MIB1: variants seen among roughly 807,000 people sequenced by gnomAD.
MIB1 encodes the protein MIB E3 ubiquitin protein ligase 1, also known as E3 ubiquitin-protein ligase MIB1.
Under a neutral mutation model 124.5 loss-of-function variants are expected in MIB1, and 278 were observed. The ratio of observed to expected loss-of-function variants is 2.23; its 90% confidence interval spans 2.02 to 2.47. The LOEUF is 2.47. Among genes scored for constraint, MIB1 ranks in the 30% most tolerant of loss-of-function variants. The pLI is 0.00. For missense variants in MIB1, 957 were observed against 1,254.4 expected, an observed-to-expected ratio of 0.76 and a Z score of 3.58; for synonymous variants, 446 against 429.4, an observed-to-expected ratio of 1.04 and a Z score of -0.48.
At chr18:21,834,309 T>A (rs73963259) in intron 12 of MIB1, among the ~76,000 whole-genome samples, 2,324 of 152,248 alleles carry the variant, frequency 0.015, 66 homozygotes, top group African/African-American at 0.053. Flanking sequence ...TATTATTATT[T>A]TTTTTTGAGG....
intron 2 of MIB1, among the ~76,000 whole-genome samples, chr18:21,766,952 T>TA (rs948884460): frequency 7.2e-5 from 11 of 152,286 alleles, no homozygotes; most frequent in Non-Finnish European, 1.3e-4. Context: ...TCCAAACCTT[T>TA]CTGATTATGT....
intron 1 of MIB1, among the ~76,000 whole-genome samples, chr18:21,710,421 T>C (rs2040660604): frequency 6.6e-6 from 1 of 151,984 alleles, no homozygotes; most frequent in Non-Finnish European, 1.5e-5. Context: ...ATAAATACAA[T>C]ACTAAACAAA....
intron 20 of MIB1, among the ~76,000 whole-genome samples, chr18:21,860,273 A>G (rs908803158): frequency 1.3e-5 from 2 of 151,050 alleles, no homozygotes; most frequent in African/African-American, 4.9e-5. Context: ...GCGAATTTTT[A>G]TATTTTTAGT....
At chr18:21,738,732 G>A (rs190422706), upstream of MIB1, among the ~76,000 whole-genome samples, 5 of 143,532 alleles carry the variant, frequency 3.5e-5, no homozygotes, top group East Asian at 8.4e-4. Flanking sequence ...GCGTGAACCC[G>A]GGAGATGGAG....
At chr18:21,758,539 A>AT (rs1274675770) in intron 1 of MIB1, among the ~76,000 whole-genome samples, 5,074 of 147,016 alleles carry the variant, frequency 0.035, 288 homozygotes, top group African/African-American at 0.11. Context: ...TGACTTGTAA[A>AT]TTTTTTTTTT....
At chr18:21,796,654 A>G (rs1354327893) in intron 7 of MIB1, among the ~76,000 whole-genome samples, 1 of 152,194 alleles carries the variant, frequency 6.6e-6, no homozygotes, top group African/African-American at 2.4e-5. Context: ...TTTAGTAATA[A>G]CCAAACTTAG....
At chr18:21,806,545 T>C (rs1415035358) in intron 10 of MIB1, among the ~76,000 whole-genome samples, 1 of 152,046 alleles carries the variant, frequency 6.6e-6, no homozygotes, top group Non-Finnish European at 1.5e-5. Flanking sequence ...AAACAGTTAG[T>C]TAATACTATA....
chr18:21,856,614 G>A (rs1402031307), intron 18 of MIB1, among the ~76,000 whole-genome samples: 1 of 152,172 alleles, frequency 6.6e-6, no homozygotes, highest in Non-Finnish European at 1.5e-5. Context: ...AATGCCTGCA[G>A]GGCCTAAAAC....
chr18:21,831,105 C>CAAAAAAAA (rs199659946), intron 12 of MIB1: 2 of 60,890 alleles, frequency 3.3e-5, no homozygotes, highest in African/African-American at 1.1e-4. Context: ...CTAAAAAAGA[C>CAAAAAAAA]AAAAAAAAAA....
At chr18:21,847,251 C>G in intron 16 of MIB1, 126 bp downstream of exon 16, 2 of 845,510 alleles carry the variant, frequency 2.4e-6, no homozygotes, top group East Asian at 2.7e-5. Context: ...TTGTGTTGAC[C>G]CTTTCTTTCC....
intron 1 of MIB1, among the ~76,000 whole-genome samples, chr18:21,748,619 T>G (rs892560696): frequency 6.6e-6 from 1 of 151,234 alleles, no homozygotes; most frequent in Non-Finnish European, 1.5e-5. Context: ...TTTGTAGAGA[T>G]AGGGTCCTGC....
rs138930123 is a variant in MIB1 at position 21,857,700 on chromosome 18, A to G, written c.2779+457A>G. Among the ~76,000 whole-genome samples, 187 of 152,378 alleles carry G rather than the reference A, an allele frequency of 1.2e-3. 1 individual carries two copies. The highest frequency in any genetic ancestry group is 2.3e-3 in the Non-Finnish European group (155 of 68,036). ...TGGGACAGAGTAACTATAGGTAAAC[A>G]AAAATGTAACAGTGAAAGGGTGGAA... On this transcript the variant is annotated intron_variant, in intron 19 of 20. Coordinates refer to ENST00000261537, the MANE Select transcript of MIB1 (RefSeq NM_020774.4).
At chr18:21,804,544 T>C (rs980423689) in intron 10 of MIB1, among the ~76,000 whole-genome samples, 19 of 152,266 alleles carry the variant, frequency 1.2e-4, no homozygotes, top group African/African-American at 4.1e-4. Context: ...AGAGAAACAC[T>C]TCTTAATATC....
At chr18:21,728,412 G>T (rs1364899104) in intron 1 of MIB1, among the ~76,000 whole-genome samples, 1 of 152,122 alleles carries the variant, frequency 6.6e-6, no homozygotes, top group African/African-American at 2.4e-5. Flanking sequence ...AGAATTGCTT[G>T]AACCCGGGAG....
intron 1 of MIB1, among the ~76,000 whole-genome samples, chr18:21,713,912 T>G (rs995897749): frequency 7.9e-5 from 12 of 152,234 alleles, no homozygotes; most frequent in African/African-American, 2.9e-4. Flanking sequence ...TTTTCCATTT[T>G]TTAAATTACA....
intron 13 of MIB1, among the ~76,000 whole-genome samples, chr18:21,840,657 ATATATATATTTTTTTT>A (rs1299202862): frequency 0.021 from 35 of 1,682 alleles, no homozygotes; most frequent in Non-Finnish European, 0.043. Context: ...ATATATATAT[ATATATATATTTTTTTT>A]TTTTTTTAAT....
chr18:21,847,432 AGTCT>A (rs2042144774), intron 16 of MIB1, among the ~76,000 whole-genome samples: 2 of 152,180 alleles, frequency 1.3e-5, no homozygotes, highest in Non-Finnish European at 2.9e-5. Flanking sequence ...TATGAGAAAA[AGTCT>A]TCTAGTAAAA....
chr18:21,810,044 A>G (rs2041753207), intron 10 of MIB1, among the ~76,000 whole-genome samples: 2 of 152,136 alleles, frequency 1.3e-5, no homozygotes, highest in African/African-American at 4.8e-5. Context: ...AAGTTAAAAC[A>G]CAGAAATCAG....
chr18:21,737,956 A>C (rs941859017), upstream of MIB1, among the ~76,000 whole-genome samples: 37 of 152,340 alleles, frequency 2.4e-4, no homozygotes, highest in Admixed American at 2.6e-4. Flanking sequence ...CACTGTCACT[A>C]TTGGACAGAT....
Sources: allele counts gnomAD v4.1 joint callset (sites outside exome capture counted in the v4.1 genomes callset), GRCh38; gene constraint gnomAD v4.1.1; transcripts MANE v1.5; gene names NCBI Gene and HGNC (gene_info 2026-07-23, HGNC 2026-07-21).